Variants in PTPRA observed in about 807,000 individuals in gnomAD.
The protein encoded by PTPRA is protein tyrosine phosphatase receptor type A.
Under a neutral mutation model 104.8 loss-of-function variants are expected in PTPRA, and 25 were observed. That is an observed-to-expected ratio of 0.24 (90% CI 0.17 to 0.33). The LOEUF is 0.33. PTPRA is among the 10% of genes least tolerant of loss of function. PTPRA has a pLI of 1.00. For synonymous variants in PTPRA, 323 were observed against 368.9 expected, an observed-to-expected ratio of 0.88 and a Z score of 1.43; for missense variants, 765 against 1,015.3, an observed-to-expected ratio of 0.75 and a Z score of 3.35.
Position 2,946,295 on chromosome 20 carries a change from C to T in PTPRA, c.-49-1687C>T, listed in dbSNP as rs557253668. Among the ~76,000 whole-genome samples, 43 of 152,208 alleles carry T rather than the reference C, an allele frequency of 2.8e-4. 1 individual carries two copies. The South Asian group carries it at 8.7e-3, about 31-fold the overall frequency. ...CTTTCCCCCCAACCCCCATTTTTCTCCCATTTACCTTCAGAAAAATTAGTG... is the reference window on the plus strand; with the variant it reads ...CTTTCCCCCCAACCCCCATTTTTCTTCCATTTACCTTCAGAAAAATTAGTG... On this transcript the variant is annotated intron_variant, in intron 2 of 23. Coordinates refer to ENST00000399903, the MANE Select transcript of PTPRA (RefSeq NM_001385305.1).
At chr20:2,885,706 A>G (rs1280950661) in intron 1 of PTPRA, among the ~76,000 whole-genome samples, 5 of 152,164 alleles carry the variant, frequency 3.3e-5, no homozygotes, top group African/African-American at 9.7e-5. Context: ...ATATTATAGG[A>G]CAAATGAACC....
intron 9 of PTPRA, among the ~76,000 whole-genome samples, chr20:2,999,033 G>T (rs2063521840): frequency 1.3e-5 from 2 of 151,486 alleles, no homozygotes; most frequent in Admixed American, 1.3e-4. Context: ...AATTAGCAAG[G>T]TTGCTAGATA....
At chr20:2,886,264 A>T (rs1352311594) in intron 1 of PTPRA, among the ~76,000 whole-genome samples, 1 of 152,178 alleles carries the variant, frequency 6.6e-6, no homozygotes, top group Non-Finnish European at 1.5e-5. Context: ...GGTTACATTA[A>T]AAAGAAAGAC....
intron 13 of PTPRA, among the ~76,000 whole-genome samples, chr20:3,020,050 G>T (rs558217578): frequency 6.6e-6 from 1 of 152,016 alleles, no homozygotes; most frequent in Non-Finnish European, 1.5e-5. Flanking sequence ...GCTCGGCATC[G>T]GAGGGAGACC....
intron 9 of PTPRA, among the ~76,000 whole-genome samples, chr20:2,991,219 C>G (rs1052876823): frequency 2.0e-5 from 3 of 151,962 alleles, no homozygotes; most frequent in Non-Finnish European, 2.9e-5. Flanking sequence ...ATTAGCCAGG[C>G]GTGGTGGCAC....
the PTPRA span, chr20:2,865,360 G>A: frequency 6.2e-7 from 1 of 1,614,008 alleles, no homozygotes; most frequent in Non-Finnish European, 8.5e-7. The surrounding 1 kb of genome is among the most constrained non-coding windows in gnomAD (Gnocchi z 5.2). Flanking sequence ...AGGACCACCT[G>A]CCTCTCCTGC....
chr20:2,978,281 G>A (rs1331310778), intron 6 of PTPRA, among the ~76,000 whole-genome samples: 1 of 152,164 alleles, frequency 6.6e-6, no homozygotes, highest in Non-Finnish European at 1.5e-5. Context: ...GAATAATTTG[G>A]CTCAAAACAA....
intron 1 of PTPRA, among the ~76,000 whole-genome samples, chr20:2,882,041 A>G (rs971102075): frequency 8.5e-5 from 13 of 152,296 alleles, no homozygotes; most frequent in Middle Eastern, 3.4e-3. Context: ...TACCCTTGGC[A>G]GATTCTTCCT....
At chr20:2,877,121 A>G (rs754559495) in intron 1 of PTPRA, among the ~76,000 whole-genome samples, 1 of 152,160 alleles carries the variant, frequency 6.6e-6, no homozygotes. Context: ...CCATTTTCAC[A>G]TGGAAAAAAA....
intron 6 of PTPRA, among the ~76,000 whole-genome samples, chr20:2,976,221 G>A (rs1280213765): frequency 2.0e-5 from 3 of 152,186 alleles, no homozygotes; most frequent in African/African-American, 7.2e-5. Flanking sequence ...TTAATACAGT[G>A]TCTTTGCTGT....
intron 1 of PTPRA, among the ~76,000 whole-genome samples, chr20:2,877,686 G>A (rs781289101): frequency 8.5e-4 from 129 of 152,188 alleles, no homozygotes; most frequent in Non-Finnish European, 1.6e-3. Context: ...ATTCTCTATG[G>A]AAAAGAGAAT....
intron 6 of PTPRA, among the ~76,000 whole-genome samples, chr20:2,983,629 T>C (rs2062782898): frequency 6.6e-6 from 1 of 150,376 alleles, no homozygotes; most frequent in African/African-American, 2.4e-5. Context: ...CCAAAATATA[T>C]TATTTGCAGC....
intron 9 of PTPRA, among the ~76,000 whole-genome samples, chr20:2,998,522 G>T (rs2063495537): frequency 6.6e-6 from 1 of 152,188 alleles, no homozygotes; most frequent in African/African-American, 2.4e-5. Context: ...TTTGCGTTTT[G>T]CAAGGGGCAG....
intron 1 of PTPRA, among the ~76,000 whole-genome samples, chr20:2,906,639 A>G (rs1009104065): frequency 1.3e-5 from 2 of 152,182 alleles, no homozygotes; most frequent in Non-Finnish European, 2.9e-5. Flanking sequence ...ATTGGAGTTC[A>G]GAGTTAGTGC....
rs181140650 is a variant in PTPRA, at chr20:2,901,614, A to G, written c.-128-21593A>G. ...GCTGAGATGAATGAACCTGTTACTT[A>G]TGTTATATTGTTACTTATGTTATAT... On this transcript the variant is annotated intron_variant, in intron 1 of 23. Coordinates refer to ENST00000399903, the MANE Select transcript of PTPRA (RefSeq NM_001385305.1). Among the ~76,000 whole-genome samples the G allele has an allele frequency of 6.0e-4, 91 of 152,178 alleles. 1 individual carries two copies. In the East Asian group the frequency reaches 0.017, roughly 28 times the overall value.
intron 1 of PTPRA, among the ~76,000 whole-genome samples, chr20:2,921,439 A>G (rs2060094337): frequency 6.6e-6 from 1 of 151,208 alleles, no homozygotes; most frequent in Admixed American, 6.6e-5. Context: ...TGTCTTCACG[A>G]GCAAAATCTA....
At chr20:2,953,056 T>A (rs903292668) in intron 3 of PTPRA, among the ~76,000 whole-genome samples, 3 of 152,196 alleles carry the variant, frequency 2.0e-5, no homozygotes, top group Non-Finnish European at 4.4e-5. Flanking sequence ...TCAATTCTTT[T>A]GAGTATGTTC....
chr20:2,922,026 G>A (rs1410339312), intron 1 of PTPRA, among the ~76,000 whole-genome samples: 2 of 152,212 alleles, frequency 1.3e-5, no homozygotes, highest in African/African-American at 4.8e-5. Flanking sequence ...CTAGATGCCA[G>A]TAGCCCAGCC....
At chr20:2,974,459 C>T (rs145960993) in intron 5 of PTPRA, among the ~76,000 whole-genome samples, 8,328 of 151,434 alleles carry the variant, frequency 0.055, 725 homozygotes, top group African/African-American at 0.19. Context: ...TAGAGTCTCG[C>T]TCTGTTACCT....
Sources: gnomAD v4.1 joint callset for allele counts (sites outside exome capture counted in the v4.1 genomes callset) on GRCh38, gnomAD v4.1.1 for gene constraint, Gnocchi (gnomAD v3.1) non-coding constraint, MANE v1.5 for transcripts, NCBI Gene and HGNC (gene_info 2026-07-23, HGNC 2026-07-21) for gene names.